The following CDYL2 variants were observed in gnomAD, a reference collection of about 807,000 sequenced individuals.
CDYL2 encodes chromodomain Y-like protein 2.
A neutral mutation model predicts 49.4 loss-of-function variants in CDYL2; 23 were observed. The observed-to-expected ratio is 0.47, with a 90% CI of 0.34 to 0.66. CDYL2 has a LOEUF of 0.66. Ranked by LOEUF, CDYL2 falls within the 30% of genes least tolerant of loss-of-function variation. CDYL2 has a pLI of 0.01. For synonymous variants in CDYL2, 360 were observed against 268.8 expected (o/e 1.34, Z -3.32); for missense variants, 678 against 656.4 (o/e 1.03, Z -0.36).
chr16:80,664,088 T>C (rs563042481), intron 2 of CDYL2, among the ~76,000 whole-genome samples: 9 of 152,324 alleles, frequency 5.9e-5, no homozygotes, highest in Non-Finnish European at 1.0e-4. Flanking sequence ...AAGTATAAAG[T>C]GATTTCCTTT....
chr16:80,647,516 C>T (rs1478668601), intron 2 of CDYL2, among the ~76,000 whole-genome samples: 1 of 151,948 alleles, frequency 6.6e-6, no homozygotes, highest in Non-Finnish European at 1.5e-5. Context: ...TATATATGCA[C>T]CCAACACTGG....
chr16:80,718,431 T>A (rs993608612), intron 1 of CDYL2, among the ~76,000 whole-genome samples: 1 of 152,168 alleles, frequency 6.6e-6, no homozygotes, highest in Non-Finnish European at 1.5e-5. Flanking sequence ...ATACCTAATT[T>A]ACAGGTGTGG....
chr16:80,725,582 A>G (rs1905138076), intron 1 of CDYL2, among the ~76,000 whole-genome samples: 2 of 152,156 alleles, frequency 1.3e-5, no homozygotes, highest in African/African-American at 4.8e-5. Context: ...ACATATTTCA[A>G]ATTCTTACTT....
intron 1 of CDYL2, among the ~76,000 whole-genome samples, chr16:80,709,086 T>G (rs1036330462): frequency 6.6e-6 from 1 of 152,124 alleles, no homozygotes; most frequent in Non-Finnish European, 1.5e-5. Context: ...TTCTCCTGTT[T>G]TGAAAATACA....
At position 80,633,058 on chromosome 16, in the gene CDYL2, C is replaced by T; in HGVS notation, c.795G>A (p.Leu265=). ...RKEEGFTHIL[L]SSQTSDNNAL... is the part of the protein sequence containing the mutation. The stretch of plus-strand genomic sequence containing the variant: ...CATTGTTATCCGAGGTCTGACTGGA[C>T]AGCAGGATGTGCGTGAACCCTTCTT... Residue 265 remains leucine (L), a synonymous_variant, in exon 3 of 7, where the codon CTG becomes CTA. Transcript: ENST00000570137. 1 of 1,614,176 alleles carries T rather than the reference C, an allele frequency of 6.2e-7. No homozygotes were observed. The highest frequency in any genetic ancestry group is 8.5e-7 in the Non-Finnish European group (1 of 1,180,026).
At chr16:80,773,978 G>A (rs911754022) in intron 1 of CDYL2, among the ~76,000 whole-genome samples, 3 of 152,068 alleles carry the variant, frequency 2.0e-5, no homozygotes, top group African/African-American at 7.2e-5. Context: ...AGAATATTAA[G>A]AACAACCTTT....
At chr16:80,753,833 A>C (rs1462027733) in intron 1 of CDYL2, among the ~76,000 whole-genome samples, 1 of 152,362 alleles carries the variant, frequency 6.6e-6, no homozygotes, top group East Asian at 1.9e-4. Context: ...ACACAATTAA[A>C]AGAATAAAAA....
chr16:80,610,199 AATGGGCTTGCAGGCCCTCAG>A (rs1157049902), intron 5 of CDYL2, among the ~76,000 whole-genome samples: 1 of 152,206 alleles, frequency 6.6e-6, no homozygotes. Flanking sequence ...AGATGAGAAG[AATGGGCTTGCAGGCCCTCAG>A]ATGGAAACAA....
At chr16:80,775,286 T>C (rs1461350756) in intron 1 of CDYL2, among the ~76,000 whole-genome samples, 6 of 151,878 alleles carry the variant, frequency 4.0e-5, no homozygotes, top group Non-Finnish European at 5.9e-5. Flanking sequence ...TTAACTATTA[T>C]ACTTGAGGAA....
chr16:80,625,220 G>A (rs943092622), intron 3 of CDYL2, among the ~76,000 whole-genome samples: 4 of 152,202 alleles, frequency 2.6e-5, no homozygotes, highest in South Asian at 2.1e-4. Flanking sequence ...TTGTGGAGGC[G>A]CTAAGGGAGA....
At chr16:80,762,087 G>A (rs973675354) in intron 1 of CDYL2, among the ~76,000 whole-genome samples, 22 of 152,050 alleles carry the variant, frequency 1.4e-4, no homozygotes, top group African/African-American at 4.1e-4. Context: ...TCGGGAGGCT[G>A]AGGCAGGAGG....
chr16:80,603,998 G>C lies in CDYL2; in HGVS notation c.*390C>G, dbSNP rs956486809. The C allele has an allele frequency of 1.0e-5, 2 of 191,508 alleles. No individual in the cohort carries two copies. Among genetic ancestry groups the C allele is most frequent in the African/African-American group, 2.3e-5 (1 of 43,068 alleles). The allele number at this position is 191,508 out of a possible 1,614,324, so 11.9% of individuals were successfully genotyped here. A position where few individuals can be genotyped will look rare whatever the true frequency, so the allele number is the denominator to read the frequency against. On this transcript the variant is annotated 3_prime_UTR_variant, in exon 7 of 7. Transcript: ENST00000570137. Reference sequence around the variant, plus strand: ...TCTAAATACAACCAGAGAGAGCCATGATGGCCAAGTCTCCAAGTCAGAGGC... The same window carrying C: ...TCTAAATACAACCAGAGAGAGCCATCATGGCCAAGTCTCCAAGTCAGAGGC...
At chr16:80,723,157 T>C (rs1345828004) in intron 1 of CDYL2, among the ~76,000 whole-genome samples, 1 of 152,174 alleles carries the variant, frequency 6.6e-6, no homozygotes, top group Non-Finnish European at 1.5e-5. Context: ...GTGTGGTCTA[T>C]AGGCCCAGGA....
intron 2 of CDYL2, among the ~76,000 whole-genome samples, chr16:80,668,477 G>C (rs905855861): frequency 6.0e-5 from 9 of 150,874 alleles, no homozygotes; most frequent in Non-Finnish European, 1.0e-4. Flanking sequence ...ATAATATATG[G>C]TATGTAATAA....
At chr16:80,638,677 T>C (rs148924383) in intron 2 of CDYL2, among the ~76,000 whole-genome samples, 121 of 152,226 alleles carry the variant, frequency 7.9e-4, no homozygotes, top group African/African-American at 2.7e-3. Context: ...CACAGCAATA[T>C]ACCGAGGTGA....
intron 1 of CDYL2, among the ~76,000 whole-genome samples, chr16:80,759,708 G>A (rs1335592303): frequency 6.6e-6 from 1 of 152,190 alleles, no homozygotes; most frequent in Non-Finnish European, 1.5e-5. Flanking sequence ...GCAAGTGCAT[G>A]AGGAAGAACT....
Position 80,776,074 on chromosome 16 carries a change from T to G in CDYL2, c.24+28076A>C, listed in dbSNP as rs1224123387. On this transcript the variant is annotated intron_variant, in intron 1 of 6. Transcript: ENST00000570137. ...AAAACAAACAATAATATTAATTTGA[T>G]TATACAGCAATTTAAAAACACCCTC... Among the ~76,000 whole-genome samples the G allele has an allele frequency of 1.9e-4, 29 of 151,960 alleles. 1 individual carries two copies. Among genetic ancestry groups the G allele is most frequent in the Admixed American group, 1.9e-3 (29 of 15,270 alleles).
intron 3 of CDYL2, among the ~76,000 whole-genome samples, chr16:80,628,669 T>TAC (rs60152719): frequency 0.11 from 16,976 of 152,200 alleles, 3,023 homozygotes; most frequent in African/African-American, 0.38. Flanking sequence ...AACAATCTGC[T>TAC]ACAGTTATAG....
chr16:80,730,979 A>C (rs1905307264), intron 1 of CDYL2, among the ~76,000 whole-genome samples: 1 of 152,040 alleles, frequency 6.6e-6, no homozygotes, highest in Non-Finnish European at 1.5e-5. Context: ...ATAGATTACA[A>C]GGAGGCAAGA....
Sources: gnomAD v4.1 joint callset for allele counts (sites outside exome capture counted in the v4.1 genomes callset) on GRCh38, gnomAD v4.1.1 for gene constraint, MANE v1.5 for transcripts, NCBI Gene and HGNC (gene_info 2026-07-23, HGNC 2026-07-21) for gene names.